Variants in LOXHD1 observed in about 807,000 individuals in gnomAD.
LOXHD1 encodes lipoxygenase homology domain-containing protein 1.
Under a neutral mutation model 248.2 loss-of-function variants are expected in LOXHD1, and 205 were observed. The ratio of observed to expected loss-of-function variants is 0.83; its 90% confidence interval spans 0.74 to 0.93. The LOEUF is 0.93. Ranked by LOEUF, LOXHD1 falls within the 40% of genes least tolerant of loss-of-function variation. The pLI, the probability that LOXHD1 is intolerant of heterozygous loss-of-function variation, is 0.00. For missense variants in LOXHD1, 2,930 were observed against 2,971.6 expected (o/e 0.99, Z 0.33); for synonymous variants, 1,113 against 1,162.8 (o/e 0.96, Z 0.87).
intron 6 of LOXHD1, among the ~76,000 whole-genome samples, chr18:46,609,655 C>A (rs966025230): frequency 6.6e-6 from 1 of 152,220 alleles, no homozygotes; most frequent in Non-Finnish European, 1.5e-5. Flanking sequence ...TTCTAACGGA[C>A]CTCAGCCTGG....
At chr18:46,552,707 C>T (rs937163538) in intron 21 of LOXHD1, among the ~76,000 whole-genome samples, 12 of 152,202 alleles carry the variant, frequency 7.9e-5, no homozygotes, top group African/African-American at 2.2e-4. Flanking sequence ...CATTCTCTTG[C>T]TTCTGTCTTT....
intron 22 of LOXHD1, among the ~76,000 whole-genome samples, chr18:46,546,268 A>AAT (rs1568167521): frequency 6.0e-5 from 9 of 150,246 alleles, no homozygotes; most frequent in Non-Finnish European, 1.3e-4. Context: ...AGAAGTGGCT[A>AAT]CACTCATTCC....
chr18:46,516,890 C>T (rs1159750615), intron 34 of LOXHD1, among the ~76,000 whole-genome samples: 1 of 152,090 alleles, frequency 6.6e-6, no homozygotes, highest in African/African-American at 2.4e-5. Context: ...ATCATCACTA[C>T]CATCATCCCA....
intron 20 of LOXHD1, chr18:46,558,009 T>C (rs2143984450): frequency 2.0e-6 from 2 of 994,724 alleles, no homozygotes; most frequent in Non-Finnish European, 2.4e-6. Context: ...ACCATGTGAA[T>C]GCACACACTG....
intron 25 of LOXHD1, 43 bp from the exon 26 acceptor site, chr18:46,538,380 A>C: frequency 2.0e-6 from 3 of 1,520,650 alleles, no homozygotes; most frequent in Non-Finnish European, 2.7e-6. Flanking sequence ...TGGATGAGAG[A>C]ACAGAAAACA....
chr18:46,591,358 T>C (rs1243019224), intron 12 of LOXHD1, among the ~76,000 whole-genome samples: 1 of 152,218 alleles, frequency 6.6e-6, no homozygotes, highest in Non-Finnish European at 1.5e-5. Context: ...CACTTAGTAA[T>C]GTCTGCCATG....
At chr18:46,518,051 C>G (rs2035352746) in intron 34 of LOXHD1, 78 bp downstream of exon 34, 2 of 1,531,258 alleles carry the variant, frequency 1.3e-6, no homozygotes, top group East Asian at 4.9e-5. Flanking sequence ...TGAGAATCAG[C>G]CTGGCTGAAG....
At chr18:46,643,829 T>G (rs1284050682) in intron 2 of LOXHD1, among the ~76,000 whole-genome samples, 1 of 152,084 alleles carries the variant, frequency 6.6e-6, no homozygotes, top group Non-Finnish European at 1.5e-5. Flanking sequence ...TTGCAACCAT[T>G]AAAAATCCTA....
In LOXHD1 at chr18:46,590,221, C is replaced by G. The variant is rs550339014; in HGVS notation, c.1654+1712G>C. On this transcript the variant is annotated intron_variant, in intron 12 of 40. Coordinates refer to ENST00000642948, the MANE Select transcript of LOXHD1 (RefSeq NM_001384474.1). ...CATTCCAGACTAACTGAATTAGAAA[C>G]TCTGCAAGTGGAGCCCAGGAATCCG... is the stretch of plus-strand genomic sequence containing the variant. 2.6e-5 allele frequency among the ~76,000 whole-genome samples: 4 copies of G among 152,208 alleles called. No homozygotes were observed. In the East Asian group the frequency reaches 7.7e-4, roughly 29 times the overall value.
At chr18:46,487,812 G>T (rs965731030) in intron 38 of LOXHD1, among the ~76,000 whole-genome samples, 1 of 152,170 alleles carries the variant, frequency 6.6e-6, no homozygotes, top group African/African-American at 2.4e-5. Flanking sequence ...CTGAGACCAC[G>T]GGAGCCTCTG....
At chr18:46,597,466 A>T (rs2038272957) in intron 8 of LOXHD1, among the ~76,000 whole-genome samples, 1 of 152,116 alleles carries the variant, frequency 6.6e-6, no homozygotes, top group Non-Finnish European at 1.5e-5. Flanking sequence ...ATAGCCTCAA[A>T]CTATATAAAG....
chr18:46,623,976 A>C (rs1257219114), intron 4 of LOXHD1, among the ~76,000 whole-genome samples: 1 of 152,198 alleles, frequency 6.6e-6, no homozygotes, highest in Non-Finnish European at 1.5e-5. Context: ...CCATCTCATC[A>C]AGACCCAGTG....
Position 46,483,649 on chromosome 18 carries a change from G to C in LOXHD1, c.6279C>G (p.Pro2093=). ...GHLAREDRFI[P]KRELAWHVKT... ...TGACATGCCAGGCAAGTTCTCTCTT[G>C]GGGATAAACCGGTCTTCCCTGGCAA... The change falls in exon 40 of 41, where the codon CCC becomes CCG. Residue 2093 remains proline, a synonymous_variant. Transcript: ENST00000642948. The C allele has an allele frequency of 6.4e-7, 1 of 1,551,636 alleles. No homozygotes were observed.
intron 5 of LOXHD1, among the ~76,000 whole-genome samples, chr18:46,614,854 AC>A (rs1356872062): frequency 6.6e-6 from 1 of 152,156 alleles, no homozygotes; most frequent in African/African-American, 2.4e-5. Flanking sequence ...AGGACACATT[AC>A]CTTTTTCCCT....
At chr18:46,477,986 G>C in intron 40 of LOXHD1, 34 bp from the exon 41 acceptor site, 1 of 1,529,780 alleles carries the variant, frequency 6.5e-7, no homozygotes. Flanking sequence ...AGGGGTAGGG[G>C]CTAAGCAGAC....
chr18:46,632,156 T>C (rs2038833293), intron 4 of LOXHD1, among the ~76,000 whole-genome samples: 1 of 152,188 alleles, frequency 6.6e-6, no homozygotes. Context: ...TTTAAGAAGA[T>C]ACTACTTGTA....
intron 27 of LOXHD1, 45 bp downstream of exon 27, chr18:46,534,290 G>C: frequency 1.4e-6 from 2 of 1,428,780 alleles, no homozygotes; most frequent in Non-Finnish European, 1.9e-6. Context: ...ACCTGCTCTG[G>C]AAAGGGACAA....
In LOXHD1 at chr18:46,518,148, G is replaced by T. The variant is rs1379764830; in HGVS notation, c.5380C>A (p.Leu1794Met). Residue 1794 changes from leucine (L) to methionine (M), a missense_variant, in exon 34 of 41, where the codon CTG (leucine) becomes ATG (methionine). Leu to Met is a conservative substitution (Grantham distance 15, BLOSUM62 2). Transcript: ENST00000642948. Reference protein sequence around the residue: ...GINGSTEEMQLDKKKARFERE... With the variant: ...GINGSTEEMQMDKKKARFERE... ...AGGTACCTGGCTTTCTTTTTGTCCA[G>T]CTGCATCTCCTCTGTGCTCCCGTTG... 1.9e-6 allele frequency: 3 copies of T among 1,551,676 alleles called. No individual in the cohort carries two copies. Among genetic ancestry groups the T allele is most frequent in the South Asian group, 1.2e-5 (1 of 84,056 alleles).
At chr18:46,526,201 T>C (rs938682392) in intron 29 of LOXHD1, among the ~76,000 whole-genome samples, 1 of 152,212 alleles carries the variant, frequency 6.6e-6, no homozygotes, top group Non-Finnish European at 1.5e-5. Context: ...ACCTTCACAT[T>C]GCACAAGGAT....
Sources: allele counts gnomAD v4.1 joint callset (sites outside exome capture counted in the v4.1 genomes callset), GRCh38; gene constraint gnomAD v4.1.1; transcripts MANE v1.5; gene names NCBI Gene and HGNC (gene_info 2026-07-23, HGNC 2026-07-21).